The following PBX1 variants were observed in gnomAD, a reference collection of about 807,000 sequenced individuals.
The protein encoded by PBX1 is pre-B-cell leukemia transcription factor 1.
A neutral mutation model predicts 53.4 loss-of-function variants in PBX1; 6 were observed. That is an observed-to-expected ratio of 0.11 (90% CI 0.06 to 0.22). The LOEUF (loss-of-function observed/expected upper bound fraction) is 0.22. Ranked by LOEUF, PBX1 falls within the 10% of genes least tolerant of loss-of-function variation. The probability of loss-of-function intolerance (pLI) is 1.00; values close to 1 mark genes in which losing one functional copy is unlikely to be tolerated. For synonymous variants in PBX1, 204 were observed against 212.3 expected, an observed-to-expected ratio of 0.96 and a Z score of 0.34; for missense variants, 251 against 551.4, an observed-to-expected ratio of 0.46 and a Z score of 5.46.
chr1:164,677,459 C>T (rs1477271585), intron 2 of PBX1, among the ~76,000 whole-genome samples: 1 of 151,968 alleles, frequency 6.6e-6, no homozygotes, highest in Non-Finnish European at 1.5e-5. Context: ...GCTGTGGGAT[C>T]CTTAAGAAAA....
At chr1:164,661,405 G>A (rs1041945561) in intron 2 of PBX1, among the ~76,000 whole-genome samples, 2 of 150,456 alleles carry the variant, frequency 1.3e-5, no homozygotes, top group Non-Finnish European at 2.9e-5. Flanking sequence ...GGGATCACCA[G>A]CAATTTCACT....
At chr1:164,647,040 C>G (rs541445866) in intron 2 of PBX1, among the ~76,000 whole-genome samples, 5 of 152,318 alleles carry the variant, frequency 3.3e-5, no homozygotes, top group East Asian at 3.9e-4. Context: ...GGGGGTCCCA[C>G]CCCAACTTCA....
chr1:164,573,547 A>G (rs182567113), intron 2 of PBX1, among the ~76,000 whole-genome samples: 68 of 137,616 alleles, frequency 4.9e-4, no homozygotes, highest in Non-Finnish European at 4.8e-4. Context: ...GCTGGAGTGC[A>G]GTGGCGTGAT....
intron 2 of PBX1, among the ~76,000 whole-genome samples, chr1:164,665,794 C>CA (rs996477012): frequency 6.6e-6 from 1 of 152,150 alleles, no homozygotes; most frequent in Non-Finnish European, 1.5e-5. Context: ...CATAGCTTGT[C>CA]ATCGTGGATG....
At chr1:164,866,200 A>G (rs559940121) in intron 2 of PBX1, among the ~76,000 whole-genome samples, 3 of 152,364 alleles carry the variant, frequency 2.0e-5, no homozygotes, top group Middle Eastern at 6.8e-3. Flanking sequence ...TGTGGCATCA[A>G]TGATCAAATT....
intron 2 of PBX1, among the ~76,000 whole-genome samples, chr1:164,792,055 C>A (rs1668540471): frequency 6.6e-6 from 1 of 152,046 alleles, no homozygotes; most frequent in Middle Eastern, 3.2e-3. Flanking sequence ...GATCTCCTGA[C>A]CTCGTGATCA....
At chr1:164,604,278 G>A (rs116142521) in intron 2 of PBX1, among the ~76,000 whole-genome samples, 165 of 152,286 alleles carry the variant, frequency 1.1e-3, no homozygotes, top group African/African-American at 3.7e-3. Flanking sequence ...TTTTAGAAAT[G>A]AAGTGACAAA....
chr1:164,652,827 T>C (rs1659912003), intron 2 of PBX1, among the ~76,000 whole-genome samples: 1 of 151,894 alleles, frequency 6.6e-6, no homozygotes, highest in South Asian at 2.1e-4. Flanking sequence ...TTACTTCTCT[T>C]ACCACCCGCA....
At position 164,848,556 on chromosome 1, in the gene PBX1, C is replaced by T. The variant is rs891808265; in HGVS notation, c.*1880C>T. The T allele has an allele frequency of 2.9e-5, 31 of 1,059,686 alleles. No homozygotes were observed. The highest frequency in any genetic ancestry group is 3.3e-5 in the Non-Finnish European group (29 of 875,900). The allele number at this position is 1,059,686 out of a possible 1,614,324, so 65.6% of individuals were successfully genotyped here. Reference sequence around the variant, plus strand: ...TAATATCAGTACCTTGATGTCATCACCGTGATGACAAAGAGAAGAGTTATT... The same window carrying T: ...TAATATCAGTACCTTGATGTCATCATCGTGATGACAAAGAGAAGAGTTATT... On this transcript the variant is annotated 3_prime_UTR_variant, in exon 9 of 9. Coordinates refer to ENST00000420696, the MANE Select transcript of PBX1 (RefSeq NM_002585.4).
intron 2 of PBX1, among the ~76,000 whole-genome samples, chr1:164,740,290 T>C (rs1030500471): frequency 2.0e-5 from 3 of 152,158 alleles, no homozygotes; most frequent in Non-Finnish European, 2.9e-5. Flanking sequence ...CTGAGCCATA[T>C]ACTTGATGCC....
chr1:164,702,415 G>GA (rs1286737789), intron 2 of PBX1, among the ~76,000 whole-genome samples: 3 of 152,144 alleles, frequency 2.0e-5, no homozygotes, highest in Non-Finnish European at 2.9e-5. Context: ...CATTCTGGTA[G>GA]AACTGCTATG....
At chr1:164,795,016 T>C (rs1160177670) in intron 3 of PBX1, among the ~76,000 whole-genome samples, 1 of 152,152 alleles carries the variant, frequency 6.6e-6, no homozygotes, top group African/African-American at 2.4e-5. Flanking sequence ...CCAAAATGAG[T>C]AAAAATTATG....
chr1:164,583,584 G>C (rs1362330929), intron 2 of PBX1, among the ~76,000 whole-genome samples: 1 of 152,160 alleles, frequency 6.6e-6, no homozygotes, highest in African/African-American at 2.4e-5. Flanking sequence ...GAAGAAACAT[G>C]GTTCCTAAGA....
rs916148850 is a variant in PBX1 at position 164,847,585 on chromosome 1, G to A, written c.*909G>A. 5.3e-5 allele frequency: 56 copies of A among 1,062,546 alleles called. No individual in the cohort carries two copies. The African/African-American group carries it at 5.9e-4, about 11-fold the overall frequency. The allele number at this position is 1,062,546 out of a possible 1,614,324, so 65.8% of individuals were successfully genotyped here. A position where few individuals can be genotyped will look rare whatever the true frequency, so the allele number is the denominator to read the frequency against. On this transcript the variant is annotated 3_prime_UTR_variant, in exon 9 of 9. Coordinates refer to ENST00000420696, the MANE Select transcript of PBX1 (RefSeq NM_002585.4). The stretch of plus-strand genomic sequence containing the variant: ...CAGCAAGGAATAGAAAGTTCTTATC[G>A]TGAAACCCTTCAACCTCAACTATGC...
At chr1:164,683,062 TACA>T (rs1331848610) in intron 2 of PBX1, 1 of 152,220 alleles carries the variant, frequency 6.6e-6, no homozygotes, top group Admixed American at 6.5e-5. Context: ...GTGGTGATTC[TACA>T]ACCATCATCA....
intron 2 of PBX1, among the ~76,000 whole-genome samples, chr1:164,591,706 A>G (rs1057429722): frequency 6.6e-6 from 1 of 152,136 alleles, no homozygotes; most frequent in African/African-American, 2.4e-5. Context: ...ATGTTTCCTA[A>G]CCCAGGCTTT....
chr1:164,880,253 A>G (rs1672616023), intron 2 of PBX1, among the ~76,000 whole-genome samples: 1 of 152,184 alleles, frequency 6.6e-6, no homozygotes, highest in Admixed American at 6.5e-5. Flanking sequence ...CTAGGGACAC[A>G]GAGAGGATGG....
intron 2 of PBX1, among the ~76,000 whole-genome samples, chr1:164,857,103 T>G (rs1463263490): frequency 6.6e-6 from 1 of 152,148 alleles, no homozygotes; most frequent in African/African-American, 2.4e-5. Context: ...CTCCTAAGGT[T>G]TAAGGGCTCA....
At chr1:164,787,222 C>T (rs961800275) in intron 2 of PBX1, among the ~76,000 whole-genome samples, 6 of 152,240 alleles carry the variant, frequency 3.9e-5, no homozygotes, top group South Asian at 4.1e-4. Flanking sequence ...TTGCACACAC[C>T]GTTGGGAGGC....
Sources: allele counts gnomAD v4.1 joint callset (sites outside exome capture counted in the v4.1 genomes callset), GRCh38; gene constraint gnomAD v4.1.1; transcripts MANE v1.5; gene names NCBI Gene and HGNC (gene_info 2026-07-23, HGNC 2026-07-21).